BBS9: variants seen among roughly 807,000 people sequenced by gnomAD.
BBS9 encodes the protein protein PTHB1.
In BBS9, 89 loss-of-function variants were observed where a neutral mutation model predicts 117.7. The ratio of observed to expected loss-of-function variants is 0.76; its 90% CI spans 0.64 to 0.90. The LOEUF is 0.90. BBS9 is among the 40% of genes least tolerant of loss of function. The probability of loss-of-function intolerance (pLI) is 0.00; values close to 1 mark genes in which losing one functional copy is unlikely to be tolerated. For synonymous variants in BBS9, 379 were observed against 370.9 expected (o/e 1.02, Z -0.25); for missense variants, 982 against 1,042.2 (o/e 0.94, Z 0.80).
intron 21 of BBS9, among the ~76,000 whole-genome samples, chr7:33,582,556 A>G (rs1199748327): frequency 6.6e-6 from 1 of 151,908 alleles, no homozygotes; most frequent in African/African-American, 2.4e-5. Flanking sequence ...ACATACACAC[A>G]CTGCATCTGA....
At chr7:33,328,383 T>C (rs1813278553) in intron 9 of BBS9, among the ~76,000 whole-genome samples, 1 of 152,256 alleles carries the variant, frequency 6.6e-6, no homozygotes, top group Non-Finnish European at 1.5e-5. Context: ...TCTTTGCCTT[T>C]ATAGCTTCTG....
At chr7:33,550,494 G>T (rs994253507) in intron 21 of BBS9, among the ~76,000 whole-genome samples, 4 of 152,088 alleles carry the variant, frequency 2.6e-5, no homozygotes, top group Non-Finnish European at 5.9e-5. Flanking sequence ...CTCTGGCTTA[G>T]GCCTTTTAAT....
At chr7:33,625,834 G>A (rs1865612409) in intron 21 of BBS9, among the ~76,000 whole-genome samples, 1 of 152,084 alleles carries the variant, frequency 6.6e-6, no homozygotes, top group Admixed American at 6.5e-5. Context: ...ACTTATCTTA[G>A]CAATTAGAAT....
chr7:33,130,971 C>A (rs1789505780), intron 1 of BBS9, among the ~76,000 whole-genome samples: 1 of 152,024 alleles, frequency 6.6e-6, no homozygotes, highest in Non-Finnish European at 1.5e-5. Context: ...AACTTTTACA[C>A]CTTTTGAGGG....
intron 19 of BBS9, among the ~76,000 whole-genome samples, chr7:33,406,136 A>T (rs1288384729): frequency 6.6e-6 from 1 of 152,036 alleles, no homozygotes; most frequent in African/African-American, 2.4e-5. Flanking sequence ...TTCAGTTTCC[A>T]TGTAGTTGAG....
At chr7:33,585,344 T>A (rs1860712918) in intron 21 of BBS9, among the ~76,000 whole-genome samples, 1 of 152,112 alleles carries the variant, frequency 6.6e-6, no homozygotes, top group African/African-American at 2.4e-5. Context: ...ATGATCTTCT[T>A]TTTGCCAGTC....
intron 11 of BBS9, among the ~76,000 whole-genome samples, chr7:33,341,327 C>G (rs1318767101): frequency 6.6e-6 from 1 of 151,992 alleles, no homozygotes; most frequent in Non-Finnish European, 1.5e-5. Context: ...CTGACCCTAC[C>G]AGATTTTTGT....
At chr7:33,258,162 T>G (rs1319410801) in intron 6 of BBS9, among the ~76,000 whole-genome samples, 1 of 152,194 alleles carries the variant, frequency 6.6e-6, no homozygotes, top group African/African-American at 2.4e-5. Context: ...GAAATAGCCT[T>G]GGAGGTTTTC....
intron 18 of BBS9, among the ~76,000 whole-genome samples, chr7:33,384,828 G>A (rs763242676): frequency 1.3e-5 from 2 of 151,974 alleles, no homozygotes; most frequent in African/African-American, 2.4e-5. Flanking sequence ...AATGTAGTGT[G>A]AACATAAAAA....
Position 33,626,896 on chromosome 7 carries a change from T to G in BBS9, c.2522-8281T>G, listed in dbSNP as rs182828004. On this transcript the variant is annotated intron_variant, in intron 21 of 21. Coordinates refer to the BBS9 transcript ENST00000671952. ...TTAAAAGGGAAGCAGAGTGTGAAAG[T>G]TTGGAAAATTTGCAGCCTGACCATG... Among the ~76,000 whole-genome samples the G allele has an allele frequency of 1.8e-3, 276 of 152,276 alleles. 1 individual carries two copies. Among genetic ancestry groups the G allele is most frequent in the South Asian group, 9.7e-3 (47 of 4,826 alleles).
intron 19 of BBS9, among the ~76,000 whole-genome samples, chr7:33,465,190 G>A (rs1839989784): frequency 6.6e-6 from 1 of 150,710 alleles, no homozygotes; most frequent in Non-Finnish European, 1.5e-5. Context: ...TGTTAATTTT[G>A]CTTTGGAGGT....
Position 33,398,246 on chromosome 7 carries a change from CCT to C in BBS9, c.2115+10103_2115+10104del, listed in dbSNP as rs751887189. On this transcript the variant is annotated intron_variant, in intron 19 of 22. Coordinates refer to ENST00000242067, the MANE Select transcript of BBS9 (RefSeq NM_198428.3). Reference sequence around the variant, plus strand: ...AAAACTGGGTTGTAGTCATGGAACTCCTGTTCTTCATTGGTATTTCTGAGGGA... The same window carrying C: ...AAAACTGGGTTGTAGTCATGGAACTCGTTCTTCATTGGTATTTCTGAGGGA... 4.6e-5 allele frequency among the ~76,000 whole-genome samples: 7 copies of C among 152,258 alleles called. No individual in the cohort carries two copies. In the South Asian group the frequency reaches 1.0e-3, roughly 23 times the overall value.
downstream of BBS9, among the ~76,000 whole-genome samples, chr7:33,610,109 T>G (rs1864781341): frequency 6.6e-6 from 1 of 152,100 alleles, no homozygotes; most frequent in South Asian, 2.1e-4. Flanking sequence ...TTAAGCCTGA[T>G]TAGCATCACA....
chr7:33,313,062 TGTGC>T (rs1020585334), intron 9 of BBS9, among the ~76,000 whole-genome samples: 1 of 146,918 alleles, frequency 6.8e-6, no homozygotes, highest in African/African-American at 2.5e-5. Flanking sequence ...TGTGTGTGTG[TGTGC>T]GCGCACAGGC....
At chr7:33,302,596 G>C (rs1806726723) in intron 9 of BBS9, among the ~76,000 whole-genome samples, 1 of 152,100 alleles carries the variant, frequency 6.6e-6, no homozygotes, top group African/African-American at 2.4e-5. Context: ...TAGATGTTTT[G>C]ATTTGTTTCT....
chr7:33,579,317 G>C (rs1245461629), intron 21 of BBS9, among the ~76,000 whole-genome samples: 2 of 152,154 alleles, frequency 1.3e-5, no homozygotes, highest in Non-Finnish European at 2.9e-5. Context: ...GATGGAACAG[G>C]ACAGTATGTT....
At chr7:33,386,301 AATGTAGACTACGAT>A (rs2128752786) in intron 18 of BBS9, among the ~76,000 whole-genome samples, 1 of 152,092 alleles carries the variant, frequency 6.6e-6, no homozygotes, top group East Asian at 1.9e-4. Flanking sequence ...TGTTACTAGA[AATGTAGACTACGAT>A]ATGTTTGACT....
intron 19 of BBS9, among the ~76,000 whole-genome samples, chr7:33,461,991 T>C (rs1839526570): frequency 6.6e-6 from 1 of 152,056 alleles, no homozygotes; most frequent in Non-Finnish European, 1.5e-5. Flanking sequence ...ATTCTTCCCA[T>C]ATCTAAGGTC....
intron 5 of BBS9, among the ~76,000 whole-genome samples, chr7:33,240,645 T>C (rs907153024): frequency 9.2e-5 from 14 of 152,174 alleles, no homozygotes; most frequent in Non-Finnish European, 4.4e-5. Context: ...ATGAAAAAAA[T>C]TGTTTTAGAA....
Sources: allele counts gnomAD v4.1 joint callset (sites outside exome capture counted in the v4.1 genomes callset), GRCh38; gene constraint gnomAD v4.1.1; transcripts MANE v1.5; gene names NCBI Gene and HGNC (gene_info 2026-07-23, HGNC 2026-07-21).